Variants in CADPS2 observed in about 807,000 individuals in gnomAD.
The protein encoded by CADPS2 is calcium-dependent secretion activator 2.
CADPS2 carries 93 observed loss-of-function variants against 172.5 expected under a neutral mutation model. The observed-to-expected ratio is 0.54, with a 90% CI of 0.46 to 0.64. The LOEUF (loss-of-function observed/expected upper bound fraction) is 0.64. CADPS2 is among the 30% of genes least tolerant of loss of function. The pLI, the probability that CADPS2 is intolerant of heterozygous loss-of-function variation, is 0.00. For synonymous variants in CADPS2, 546 were observed against 555.2 expected (o/e 0.98, Z 0.23); for missense variants, 1,420 against 1,565.9 (o/e 0.91, Z 1.57).
chr7:122,528,574 G>C (rs747300614), intron 8 of CADPS2, among the ~76,000 whole-genome samples: 2 of 152,118 alleles, frequency 1.3e-5, no homozygotes, highest in Non-Finnish European at 2.9e-5. Flanking sequence ...TCCATGGGCA[G>C]TAAGGATGGA....
intron 8 of CADPS2, among the ~76,000 whole-genome samples, chr7:122,545,132 G>A (rs1244004419): frequency 6.6e-6 from 1 of 152,130 alleles, no homozygotes; most frequent in Non-Finnish European, 1.5e-5. Flanking sequence ...GGTAACAAAT[G>A]TGGAGTAATC....
chr7:122,341,857 T>C (rs750835593), intron 28 of CADPS2, among the ~76,000 whole-genome samples: 1 of 152,166 alleles, frequency 6.6e-6, no homozygotes, highest in African/African-American at 2.4e-5. Context: ...ACAGCTATTA[T>C]TTTGATAGGT....
chr7:122,790,749 T>G (rs1275201615), intron 1 of CADPS2, among the ~76,000 whole-genome samples: 1 of 152,170 alleles, frequency 6.6e-6, no homozygotes, highest in Non-Finnish European at 1.5e-5. Context: ...TGTTTTAAGA[T>G]AGCTCTTAAA....
intron 2 of CADPS2, among the ~76,000 whole-genome samples, chr7:122,705,206 A>C (rs1169756058): frequency 6.6e-6 from 1 of 151,712 alleles, no homozygotes; most frequent in African/African-American, 2.4e-5. Flanking sequence ...CAAATTGCAT[A>C]TATTTTATCA....
Position 122,435,876 on chromosome 7 carries a change from A to G in CADPS2, c.2476+2465T>C, listed in dbSNP as rs938846565. 2.6e-5 allele frequency among the ~76,000 whole-genome samples: 4 copies of G among 152,142 alleles called. 1 individual carries two copies. The highest frequency in any genetic ancestry group is 7.2e-5 in the African/African-American group (3 of 41,450). On this transcript the variant is annotated intron_variant, in intron 17 of 29. Transcript: ENST00000449022. ...TAGTAAAATAAGCCAGTCACAGTAC[A>G]TAATAACACATGATACCACTTATAT...
chr7:122,753,508 G>C (rs1462536179), intron 1 of CADPS2, among the ~76,000 whole-genome samples: 1 of 152,084 alleles, frequency 6.6e-6, no homozygotes, highest in African/African-American at 2.4e-5. Flanking sequence ...TACAGTGATG[G>C]GGGAGACAAA....
chr7:122,839,941 A>G (rs1300432288), intron 1 of CADPS2, among the ~76,000 whole-genome samples: 1 of 152,222 alleles, frequency 6.6e-6, no homozygotes, highest in African/African-American at 2.4e-5. Context: ...TGTATACCCA[A>G]AGGATTATAA....
intron 11 of CADPS2, among the ~76,000 whole-genome samples, chr7:122,481,307 C>A (rs541836570): frequency 1.4e-3 from 218 of 152,056 alleles, no homozygotes; most frequent in Non-Finnish European, 2.6e-3. Flanking sequence ...TTACTAGCAG[C>A]CTGGAATACA....
intron 20 of CADPS2, among the ~76,000 whole-genome samples, chr7:122,399,848 G>T (rs1211370364): frequency 1.3e-5 from 2 of 150,578 alleles, no homozygotes; most frequent in Non-Finnish European, 3.0e-5. Flanking sequence ...CACTACGCCC[G>T]GCTAACTTTT....
At chr7:122,488,389 C>T (rs1255836726) in intron 11 of CADPS2, among the ~76,000 whole-genome samples, 5 of 152,308 alleles carry the variant, frequency 3.3e-5, no homozygotes, top group South Asian at 4.1e-4. Flanking sequence ...GCAAGAGAAA[C>T]GCCTGAGTGA....
chr7:122,327,393 T>C (rs915906055), intron 28 of CADPS2, among the ~76,000 whole-genome samples: 1 of 152,090 alleles, frequency 6.6e-6, no homozygotes, highest in African/African-American at 2.4e-5. Flanking sequence ...TCATAATGGA[T>C]GTGACTCTTA....
At chr7:122,430,436 CTTCTTTTAAAATAATATCTAATT>C in intron 17 of CADPS2, among the ~76,000 whole-genome samples, 1 of 152,140 alleles carries the variant, frequency 6.6e-6, no homozygotes, top group Non-Finnish European at 1.5e-5. Flanking sequence ...CAAATTGATT[CTTCTTTTAAAATAATATCTAATT>C]TGCATCAACA....
At chr7:122,862,731 T>A (rs1001709108) in intron 1 of CADPS2, among the ~76,000 whole-genome samples, 1 of 151,658 alleles carries the variant, frequency 6.6e-6, no homozygotes, top group Non-Finnish European at 1.5e-5. Flanking sequence ...TTTGTTTTTT[T>A]TAAAAAAAAA....
At chr7:122,706,628 G>A (rs548780818) in intron 2 of CADPS2, among the ~76,000 whole-genome samples, 7 of 145,494 alleles carry the variant, frequency 4.8e-5, no homozygotes, top group African/African-American at 1.5e-4. Flanking sequence ...GTGTGTGTGT[G>A]TATATATATA....
chr7:122,452,519 C>T (rs1447263877), intron 14 of CADPS2, among the ~76,000 whole-genome samples: 2 of 152,178 alleles, frequency 1.3e-5, no homozygotes, highest in East Asian at 3.9e-4. Flanking sequence ...CCTCAGCCTC[C>T]TGAGCAGCTG....
chr7:122,657,944 G>C (rs1216169895), intron 3 of CADPS2, among the ~76,000 whole-genome samples: 1 of 152,102 alleles, frequency 6.6e-6, no homozygotes, highest in African/African-American at 2.4e-5. Context: ...CCATCAGAGT[G>C]AACAGGCAAC....
intron 23 of CADPS2, among the ~76,000 whole-genome samples, chr7:122,387,434 G>T (rs1426291155): frequency 6.6e-6 from 1 of 151,822 alleles, no homozygotes; most frequent in African/African-American, 2.4e-5. Flanking sequence ...GAAGCTTTTT[G>T]TTATATCTAG....
intron 1 of CADPS2, among the ~76,000 whole-genome samples, chr7:122,742,260 T>C (rs2092522780): frequency 6.6e-6 from 1 of 151,710 alleles, no homozygotes; most frequent in Non-Finnish European, 1.5e-5. Flanking sequence ...CCGGGTGTGG[T>C]GGCATGTTCC....
chr7:122,411,914 T>C (rs959846540), intron 19 of CADPS2, among the ~76,000 whole-genome samples: 5 of 152,302 alleles, frequency 3.3e-5, no homozygotes, highest in African/African-American at 9.6e-5. Context: ...AACATAGATA[T>C]AGCAATAACC....
Sources: gnomAD v4.1 joint callset for allele counts (sites outside exome capture counted in the v4.1 genomes callset) on GRCh38, gnomAD v4.1.1 for gene constraint, MANE v1.5 for transcripts, NCBI Gene and HGNC (gene_info 2026-07-23, HGNC 2026-07-21) for gene names.